RWDD2B: variants seen among roughly 807,000 people sequenced by gnomAD.
The protein encoded by RWDD2B is RWD domain-containing protein 2B.
In RWDD2B, 36 loss-of-function variants were observed where a neutral mutation model predicts 33.6. That is an observed-to-expected ratio of 1.07 (90% confidence interval 0.82 to 1.42). The LOEUF (loss-of-function observed/expected upper bound fraction) is 1.42, where lower values mean the gene tolerates loss of function less well. Ranked by LOEUF, RWDD2B falls within the 40% of genes most tolerant of loss-of-function variation. RWDD2B has a pLI of 0.00. For missense variants in RWDD2B, 364 were observed against 377.5 expected (o/e 0.96, Z 0.30); for synonymous variants, 126 against 133.1 (o/e 0.95, Z 0.37).
At chr21:29,015,563 CTT>C (rs1350611200) in intron 1 of RWDD2B, among the ~76,000 whole-genome samples, 2 of 128,772 alleles carry the variant, frequency 1.6e-5, no homozygotes, top group South Asian at 2.6e-4. Flanking sequence ...GAGTTTTGCT[CTT>C]GTTGCCCAGG....
At chr21:29,015,528 CT>C (rs1207154307) in intron 1 of RWDD2B, among the ~76,000 whole-genome samples, 1,561 of 114,674 alleles carry the variant, frequency 0.014, 22 homozygotes, top group African/African-American at 0.044. Context: ...CACACCTAGT[CT>C]TTTTTTTTTT....
At chr21:29,008,954 G>A (rs1450709323) in intron 1 of RWDD2B, among the ~76,000 whole-genome samples, 2 of 152,188 alleles carry the variant, frequency 1.3e-5, no homozygotes, top group Non-Finnish European at 2.9e-5. Context: ...CAATTATGTA[G>A]TCAAAAAGCT....
rs1441524584 is a variant in RWDD2B at position 29,007,870 on chromosome 21, T to C, written c.616A>G (p.Ile206Val). The stretch of plus-strand genomic sequence containing the variant: ...GAAAGCTCCTTTGCCCACTCTAGAA[T>C]ATTCTTTCTTTTGCATTTGTTATAG... The part of the protein sequence containing the change: ...HIYNKCKRKN[I>V]LEWAKELSLS... The change falls in exon 4 of 5, where the codon ATT becomes GTT. Residue 206 changes from isoleucine to valine, a missense_variant. Transcript: ENST00000493196. 4 of 1,614,242 alleles carry C rather than the reference T, an allele frequency of 2.5e-6. No homozygotes were observed. In the South Asian group the frequency reaches 3.3e-5, roughly 13 times the overall value.
chr21:29,018,821 C>T (rs1300125575), intron 1 of RWDD2B, among the ~76,000 whole-genome samples: 1 of 152,080 alleles, frequency 6.6e-6, no homozygotes, highest in East Asian at 1.9e-4. Flanking sequence ...TAAGAGCTCG[C>T]CTTTATTATT....
intron 1 of RWDD2B, among the ~76,000 whole-genome samples, chr21:29,015,305 A>C (rs578085236): frequency 1.0e-4 from 12 of 115,546 alleles, no homozygotes; most frequent in African/African-American, 4.1e-4. Context: ...ATCTTGGCTT[A>C]TTGCAACCTC....
At chr21:29,017,532 A>C (rs969544883) in intron 1 of RWDD2B, among the ~76,000 whole-genome samples, 4 of 152,038 alleles carry the variant, frequency 2.6e-5, no homozygotes, top group African/African-American at 9.7e-5. Context: ...GAATCGCTTG[A>C]ACTGGGGAGG....
At chr21:29,010,619 A>AT (rs529544124) in intron 1 of RWDD2B, among the ~76,000 whole-genome samples, 1,919 of 122,542 alleles carry the variant, frequency 0.016, 17 homozygotes, top group Non-Finnish European at 0.023. Context: ...AAAAATAAAA[A>AT]TAAAAAAAAA....
intron 1 of RWDD2B, 54 bp from the exon 2 acceptor site, chr21:29,008,675 G>T: frequency 8.6e-7 from 1 of 1,161,012 alleles, no homozygotes; most frequent in Non-Finnish European, 1.2e-6. Context: ...TGGAAGAAAT[G>T]AATACATCAA....
chr21:29,018,994 C>T (rs928367265), intron 1 of RWDD2B, among the ~76,000 whole-genome samples: 1 of 152,172 alleles, frequency 6.6e-6, no homozygotes, highest in Non-Finnish European at 1.5e-5. Context: ...ACGCAGCCGC[C>T]CTCGCACCCT....
Position 29,011,537 on chromosome 21 carries a change from G to C in RWDD2B, c.68-2916C>G, listed in dbSNP as rs1289462244. 9.0e-5 allele frequency among the ~76,000 whole-genome samples: 9 copies of C among 99,742 alleles called. No homozygotes were observed. In the East Asian group the frequency reaches 2.3e-3, roughly 25 times the overall value. The allele number at this position is 99,742 out of a possible 152,430, so 65.4% of individuals were successfully genotyped here. On this transcript the variant is annotated intron_variant, in intron 1 of 4. Coordinates refer to ENST00000493196, the MANE Select transcript of RWDD2B (RefSeq NM_016940.3). Reference sequence around the variant, plus strand: ...CAGCCACCTCGTCCGGAAGGGAGGTGGGGGGGGGTCAGCCCCCCGCCCGGC... The same window carrying C: ...CAGCCACCTCGTCCGGAAGGGAGGTCGGGGGGGGTCAGCCCCCCGCCCGGC...
intron 1 of RWDD2B, among the ~76,000 whole-genome samples, chr21:29,016,622 C>A (rs1326096700): frequency 6.6e-6 from 1 of 151,912 alleles, no homozygotes; most frequent in Non-Finnish European, 1.5e-5. Flanking sequence ...TATTGGAATT[C>A]CATATACATA....
intron 1 of RWDD2B, among the ~76,000 whole-genome samples, chr21:29,009,443 T>G (rs1261556320): frequency 2.7e-5 from 4 of 148,558 alleles, no homozygotes; most frequent in African/African-American, 7.5e-5. Context: ...ACCCAGGCTG[T>G]AGTGCAGTGG....
intron 1 of RWDD2B, among the ~76,000 whole-genome samples, chr21:29,010,626 A>C (rs905920620): frequency 7.1e-6 from 1 of 141,422 alleles, no homozygotes; most frequent in Non-Finnish European, 1.5e-5. Flanking sequence ...AAAATAAAAA[A>C]AAAAAACCAA....
intron 1 of RWDD2B, among the ~76,000 whole-genome samples, chr21:29,013,179 TG>T (rs1040868155): frequency 8.6e-5 from 13 of 152,008 alleles, no homozygotes; most frequent in Admixed American, 1.3e-4. Context: ...CCCAAGTATC[TG>T]GGACTACAGT....
rs546073274 is a variant in RWDD2B at position 29,011,690 on chromosome 21, G to A, written c.68-3069C>T. The stretch of plus-strand genomic sequence containing the variant: ...CCGCCCCGTCCGGGAGGTGAGGGGC[G>A]CCTCTGCCCGGCCGCCCCTACTGGG... On this transcript the variant is annotated intron_variant, in intron 1 of 4. Coordinates refer to ENST00000493196, the MANE Select transcript of RWDD2B (RefSeq NM_016940.3). 7.0e-3 allele frequency among the ~76,000 whole-genome samples: 868 copies of A among 123,130 alleles called. 5 individuals carry two copies. Among genetic ancestry groups the A allele is most frequent in the African/African-American group, 0.024 (791 of 32,474 alleles). The allele number at this position is 123,130 out of a possible 152,430, so 80.8% of individuals were successfully genotyped here. A position where few individuals can be genotyped will look rare whatever the true frequency, so the allele number is the denominator to read the frequency against.
At chr21:29,011,166 CTAGTCTGGAAAGTGAGGAGCGT>C (rs1329499812) in intron 1 of RWDD2B, among the ~76,000 whole-genome samples, 1 of 151,756 alleles carries the variant, frequency 6.6e-6, no homozygotes, top group Non-Finnish European at 1.5e-5. Flanking sequence ...GCCTGGCTGC[CTAGTCTGGAAAGTGAGGAGCGT>C]CTCTGCCCAG....
intron 1 of RWDD2B, among the ~76,000 whole-genome samples, chr21:29,018,899 T>A (rs1008308378): frequency 1.3e-5 from 2 of 152,136 alleles, no homozygotes; most frequent in East Asian, 1.9e-4. Flanking sequence ...TGGAATAATA[T>A]CTTTTCCTTG....
chr21:29,011,749 C>T (rs2084862242), intron 1 of RWDD2B, among the ~76,000 whole-genome samples: 1 of 126,268 alleles, frequency 7.9e-6, no homozygotes, highest in East Asian at 2.6e-4. Flanking sequence ...CCAGCCGCCC[C>T]GTCCGGGAGG....
chr21:29,014,905 T>A (rs2084882374), intron 1 of RWDD2B, among the ~76,000 whole-genome samples: 1 of 152,144 alleles, frequency 6.6e-6, no homozygotes, highest in African/African-American at 2.4e-5. Flanking sequence ...ATTATTTCTT[T>A]TCTGTTTAGA....
Sources: allele counts gnomAD v4.1 joint callset (sites outside exome capture counted in the v4.1 genomes callset), GRCh38; gene constraint gnomAD v4.1.1; transcripts MANE v1.5; gene names NCBI Gene and HGNC (gene_info 2026-07-23, HGNC 2026-07-21).